The following PTPRM variants were observed in gnomAD, a reference collection of about 807,000 sequenced individuals.
The protein encoded by PTPRM is receptor-type tyrosine-protein phosphatase mu.
Under a neutral mutation model 186.7 loss-of-function variants are expected in PTPRM, and 47 were observed. That is an observed-to-expected ratio of 0.25 (90% confidence interval 0.20 to 0.32). PTPRM has a LOEUF of 0.32. PTPRM is among the 10% of genes least tolerant of loss of function. The pLI is 1.00. For synonymous variants in PTPRM, 668 were observed against 674.9 expected, an observed-to-expected ratio of 0.99 and a Z score of 0.16; for missense variants, 1,494 against 1,865.0, an observed-to-expected ratio of 0.80 and a Z score of 3.66.
chr18:8,027,153 A>G (rs2085622387), intron 7 of PTPRM, among the ~76,000 whole-genome samples: 2 of 152,220 alleles, frequency 1.3e-5, no homozygotes, highest in Non-Finnish European at 2.9e-5. Context: ...TTCATCATAA[A>G]ACAAAATTCA....
At chr18:8,319,625 G>T (rs2095333189) in intron 22 of PTPRM, among the ~76,000 whole-genome samples, 1 of 152,186 alleles carries the variant, frequency 6.6e-6, no homozygotes, top group Admixed American at 6.5e-5. Context: ...GGGAAGATGT[G>T]CAGTCACCTG....
intron 2 of PTPRM, among the ~76,000 whole-genome samples, chr18:7,887,049 C>T (rs1404210132): frequency 3.3e-5 from 5 of 152,086 alleles, no homozygotes; most frequent in African/African-American, 9.7e-5. Flanking sequence ...ACACCTTGAA[C>T]ATTGTGATTC....
chr18:7,974,667 C>T (rs1568110017), intron 7 of PTPRM, among the ~76,000 whole-genome samples: 1 of 152,158 alleles, frequency 6.6e-6, no homozygotes, highest in Non-Finnish European at 1.5e-5. Context: ...TTGGCCTCAA[C>T]CCCAGGCTGG....
rs537176814 is a variant in PTPRM at position 7,879,923 on chromosome 18, C to T, written c.197-8183C>T. Among the ~76,000 whole-genome samples the T allele has an allele frequency of 3.4e-4, 52 of 152,282 alleles. 2 individuals are homozygous for T. In the South Asian group the frequency reaches 0.011, roughly 31 times the overall value. On this transcript the variant is annotated intron_variant, in intron 2 of 32. Transcript: ENST00000580170. ...ATTTAAAGGAAAGAGGTTTAATTGA[C>T]TCACTGTTCCGCGTGACTGGGAAGG...
At chr18:7,626,509 A>T (rs1181180085) in intron 1 of PTPRM, among the ~76,000 whole-genome samples, 1 of 152,082 alleles carries the variant, frequency 6.6e-6, no homozygotes, top group Non-Finnish European at 1.5e-5. Context: ...CTGTATGGAG[A>T]GTGGAAGGGG....
chr18:8,253,626 G>A (rs1203594332), intron 19 of PTPRM, among the ~76,000 whole-genome samples: 1 of 152,048 alleles, frequency 6.6e-6, no homozygotes, highest in Non-Finnish European at 1.5e-5. Flanking sequence ...TGTGAAACCT[G>A]AGAATCCAAA....
At chr18:7,709,715 G>T (rs1270882537) in intron 1 of PTPRM, among the ~76,000 whole-genome samples, 2 of 151,996 alleles carry the variant, frequency 1.3e-5, no homozygotes, top group Non-Finnish European at 2.9e-5. Context: ...AAGGAAACAG[G>T]AAATATGACA....
chr18:8,063,140 G>A (rs1407445624), intron 7 of PTPRM, among the ~76,000 whole-genome samples: 2 of 151,728 alleles, frequency 1.3e-5, no homozygotes, highest in African/African-American at 4.9e-5. Context: ...TCCGAGCCAG[G>A]TGTGGGATAT....
chr18:7,914,781 C>T (rs1235862735), intron 4 of PTPRM, among the ~76,000 whole-genome samples: 2 of 152,056 alleles, frequency 1.3e-5, no homozygotes, highest in Admixed American at 1.3e-4. Flanking sequence ...TGGTTCTCAG[C>T]GTTAGAGTAA....
chr18:7,776,482 G>T (rs1334671904), intron 2 of PTPRM, among the ~76,000 whole-genome samples: 2 of 151,320 alleles, frequency 1.3e-5, no homozygotes, highest in East Asian at 3.9e-4. Context: ...CCATAATATA[G>T]AACTGAAAAT....
At chr18:7,939,795 C>G (rs909035339) in intron 5 of PTPRM, among the ~76,000 whole-genome samples, 7 of 152,126 alleles carry the variant, frequency 4.6e-5, no homozygotes, top group Admixed American at 6.5e-5. Context: ...CAGTGCGATG[C>G]CCATCCTTCA....
intron 7 of PTPRM, among the ~76,000 whole-genome samples, chr18:8,054,810 A>AG (rs1327283591): frequency 6.6e-6 from 1 of 152,082 alleles, no homozygotes; most frequent in African/African-American, 2.4e-5. Context: ...CCTTTATTGC[A>AG]GGTTCATTGG....
intron 14 of PTPRM, among the ~76,000 whole-genome samples, chr18:8,235,995 C>A (rs143167518): frequency 6.6e-6 from 1 of 152,140 alleles, no homozygotes; most frequent in Non-Finnish European, 1.5e-5. Flanking sequence ...GCTCATGATG[C>A]GGTCTATCTG....
At chr18:8,307,804 C>CA (rs35139928) in intron 20 of PTPRM, among the ~76,000 whole-genome samples, 1,870 of 140,828 alleles carry the variant, frequency 0.013, 30 homozygotes, top group African/African-American at 0.043. Flanking sequence ...AACTCTGTCT[C>CA]AAAAAAAAAA....
intron 5 of PTPRM, among the ~76,000 whole-genome samples, chr18:7,947,554 C>T (rs764440876): frequency 6.6e-6 from 1 of 152,132 alleles, no homozygotes; most frequent in Non-Finnish European, 1.5e-5. Flanking sequence ...CCTGCAAGTC[C>T]CTGAGCACAC....
At chr18:7,620,368 C>T (rs548213200) in intron 1 of PTPRM, among the ~76,000 whole-genome samples, 3 of 152,312 alleles carry the variant, frequency 2.0e-5, no homozygotes, top group African/African-American at 7.2e-5. Context: ...GCTAACCAAA[C>T]ATGGAAAGCA....
chr18:8,237,033 C>A (rs1300817667), intron 14 of PTPRM, among the ~76,000 whole-genome samples: 2 of 151,806 alleles, frequency 1.3e-5, no homozygotes, highest in Non-Finnish European at 2.9e-5. Context: ...TGTTTTGTTA[C>A]TTTTTTCAGT....
intron 7 of PTPRM, among the ~76,000 whole-genome samples, chr18:8,066,381 C>T (rs1043217601): frequency 3.9e-5 from 6 of 152,086 alleles, no homozygotes; most frequent in East Asian, 3.9e-4. Context: ...CTTAACTTTG[C>T]GTTTGGACCC....
chr18:7,778,742 A>C (rs948888842), intron 2 of PTPRM, among the ~76,000 whole-genome samples: 3 of 152,144 alleles, frequency 2.0e-5, no homozygotes, highest in African/African-American at 7.2e-5. Flanking sequence ...AGCCTACCAA[A>C]GTTCTAGGAT....
Sources: gnomAD v4.1 joint callset for allele counts (sites outside exome capture counted in the v4.1 genomes callset) on GRCh38, gnomAD v4.1.1 for gene constraint, MANE v1.5 for transcripts, NCBI Gene and HGNC (gene_info 2026-07-23, HGNC 2026-07-21) for gene names.